The following ABR variants were observed in gnomAD, a reference collection of about 807,000 sequenced individuals.
ABR encodes ABR activator of RhoGEF and GTPase.
ABR carries 35 observed loss-of-function variants against 107.2 expected under a neutral mutation model. The ratio of observed to expected loss-of-function variants is 0.33; its 90% confidence interval spans 0.25 to 0.43. The LOEUF is 0.43. Ranked by LOEUF, ABR falls within the 20% of genes least tolerant of loss-of-function variation. The pLI, the probability that ABR is intolerant of heterozygous loss-of-function variation, is 1.00. For missense variants in ABR, 815 were observed against 1,115.2 expected, an observed-to-expected ratio of 0.73 and a Z score of 3.83; for synonymous variants, 498 against 462.0, an observed-to-expected ratio of 1.08 and a Z score of -1.00.
At chr17:1,038,863 G>A (rs901776625) in intron 16 of ABR, among the ~76,000 whole-genome samples, 1 of 152,258 alleles carries the variant, frequency 6.6e-6, no homozygotes, top group Non-Finnish European at 1.5e-5. Context: ...ACGGAAAGTG[G>A]GACAACCCTG....
At chr17:1,095,800 G>A (rs1243553702) in intron 3 of ABR, among the ~76,000 whole-genome samples, 6 of 152,222 alleles carry the variant, frequency 3.9e-5, no homozygotes, top group African/African-American at 1.4e-4. Flanking sequence ...ATAAGGGAAA[G>A]AAATGTACCC....
intron 2 of ABR, among the ~76,000 whole-genome samples, chr17:1,123,053 T>G (rs1378209691): frequency 6.6e-6 from 1 of 152,172 alleles, no homozygotes; most frequent in African/African-American, 2.4e-5. Flanking sequence ...AATAGTGTTT[T>G]TAACCAAAAC....
chr17:1,195,867 C>G (rs1004251731), intron 1 of ABR, among the ~76,000 whole-genome samples: 2 of 148,478 alleles, frequency 1.3e-5, no homozygotes, highest in Non-Finnish European at 3.0e-5. Flanking sequence ...TTTGGGAAGG[C>G]AAGTTGGGAT....
chr17:1,168,475 T>C (rs1262643323), intron 1 of ABR, among the ~76,000 whole-genome samples: 3 of 152,258 alleles, frequency 2.0e-5, no homozygotes, highest in East Asian at 1.9e-4. Flanking sequence ...CACAGAGCTT[T>C]GCAGGATGGT....
chr17:1,055,713 G>A (rs1344998835), intron 14 of ABR: 3 of 256,328 alleles, frequency 1.2e-5, no homozygotes, highest in Admixed American at 4.5e-5. Context: ...ATTTTTAGTA[G>A]AGACGGGGTT....
chr17:1,009,634 A>G (rs2070363615), intron 21 of ABR, 45 bp downstream of exon 21: 1 of 1,556,144 alleles, frequency 6.4e-7, no homozygotes, highest in Admixed American at 1.7e-5. Flanking sequence ...TTACCTTTTC[A>G]TGAGGAGGGA....
At chr17:1,080,283 G>A (rs920463559) in intron 5 of ABR, among the ~76,000 whole-genome samples, 1 of 152,084 alleles carries the variant, frequency 6.6e-6, no homozygotes, top group Non-Finnish European at 1.5e-5. Context: ...AGGAAGCTTC[G>A]AGGGAGGAAC....
intron 2 of ABR, among the ~76,000 whole-genome samples, chr17:1,109,495 C>A (rs569662260): frequency 4.0e-4 from 61 of 151,930 alleles, no homozygotes; most frequent in African/African-American, 1.5e-3. Context: ...GGGGCCGCGG[C>A]TGGCGGAGGC....
At chr17:1,199,869 C>T (rs898224540) in intron 1 of ABR, among the ~76,000 whole-genome samples, 3 of 151,722 alleles carry the variant, frequency 2.0e-5, no homozygotes, top group Admixed American at 2.0e-4. Context: ...TAAAATACAC[C>T]ACCCCAATTA....
At chr17:1,182,244 T>G (rs1388397261), upstream of ABR, 1 of 152,160 alleles carries the variant, frequency 6.6e-6, no homozygotes, top group Non-Finnish European at 1.5e-5. Flanking sequence ...GTCACTGTTA[T>G]CTCTGTTTTC....
chr17:1,054,824 G>C (rs1341501731), intron 14 of ABR, among the ~76,000 whole-genome samples: 3 of 152,164 alleles, frequency 2.0e-5, no homozygotes. Context: ...TCCTGGGAAA[G>C]GCTGCTCTAA....
rs538517639 is a variant in ABR, at chr17:1,081,779, G to A, written c.639+1741C>T. ...TTTAGTAGAGACGGCGTTTCGCCAC[G>A]TTGGCCAGGCTGGTCTCAAACTCCT... is the stretch of plus-strand genomic sequence containing the variant. On this transcript the variant is annotated intron_variant, in intron 5 of 22. Coordinates refer to ENST00000302538, the MANE Select transcript of ABR (RefSeq NM_021962.5). 4.0e-5 allele frequency among the ~76,000 whole-genome samples: 6 copies of A among 151,848 alleles called. No individual in the cohort carries two copies. The South Asian group carries it at 1.0e-3, about 26-fold the overall frequency.
chr17:1,062,848 G>A (rs1597621393), intron 10 of ABR, among the ~76,000 whole-genome samples: 2 of 144,730 alleles, frequency 1.4e-5, no homozygotes, highest in South Asian at 2.2e-4. Flanking sequence ...TATGTGAACT[G>A]AGGGCTATGC....
rs751194839 is a variant in ABR, at chr17:1,011,057, T to C, written c.2102-194A>G. 1.5e-6 allele frequency: 1 copy of C among 650,890 alleles called. No individual in the cohort carries two copies. The highest frequency in any genetic ancestry group is 2.6e-6 in the Non-Finnish European group (1 of 385,962). The allele number at this position is 650,890 out of a possible 1,614,324, so 40.3% of individuals were successfully genotyped here. ...TCGGGGTTGGGGGAACAGGGAGAGA[T>C]AGCCTGGGGGCCATCTGCTGTGGCT... On this transcript the variant is annotated intron_variant, in intron 19 of 22. Transcript: ENST00000302538. The surrounding 1 kb of genome is among the most constrained non-coding windows in gnomAD (Gnocchi z 4.8).
chr17:1,114,559 G>A (rs1289983379), intron 2 of ABR, among the ~76,000 whole-genome samples: 2 of 152,020 alleles, frequency 1.3e-5, no homozygotes, highest in African/African-American at 2.4e-5. Context: ...GATCACCTGA[G>A]GTCAGGAGTT....
intron 1 of ABR, among the ~76,000 whole-genome samples, chr17:1,131,387 C>G (rs1382963878): frequency 3.4e-5 from 2 of 59,604 alleles, no homozygotes; most frequent in Admixed American, 3.4e-4. Context: ...GTGCCTGACA[C>G]GCACACAGCT....
intron 12 of ABR, among the ~76,000 whole-genome samples, chr17:1,057,310 GTGTGTGTGTGTGTGTGTGT>G (rs2033413830): frequency 2.2e-3 from 4 of 1,800 alleles, no homozygotes; most frequent in Non-Finnish European, 5.6e-3. Context: ...GAAGAGGTTT[GTGTGTGTGTGTGTGTGTGT>G]GTGTGTGTGT....
At chr17:1,018,188 G>A (rs778006569) in intron 16 of ABR, among the ~76,000 whole-genome samples, 107 of 152,012 alleles carry the variant, frequency 7.0e-4, no homozygotes, top group African/African-American at 1.9e-3. Context: ...GACTACAGGC[G>A]CCCGCCACCA....
intron 16 of ABR, among the ~76,000 whole-genome samples, chr17:1,034,381 G>T (rs368546442): frequency 6.6e-6 from 1 of 152,176 alleles, no homozygotes; most frequent in Non-Finnish European, 1.5e-5. Flanking sequence ...AGAAAGCAGA[G>T]ATGTCCATCA....
Sources: gnomAD v4.1 joint callset for allele counts (sites outside exome capture counted in the v4.1 genomes callset) on GRCh38, gnomAD v4.1.1 for gene constraint, Gnocchi (gnomAD v3.1) non-coding constraint, MANE v1.5 for transcripts, NCBI Gene and HGNC (gene_info 2026-07-23, HGNC 2026-07-21) for gene names.